Variants in CDH12 observed in about 807,000 individuals in gnomAD.
CDH12 encodes cadherin-12.
A neutral mutation model predicts 74.1 loss-of-function variants in CDH12; 41 were observed. That is an observed-to-expected ratio of 0.55 (90% CI 0.43 to 0.72). The LOEUF is 0.72. Ranked by LOEUF, CDH12 falls within the 30% of genes least tolerant of loss-of-function variation. The pLI, the probability that CDH12 is intolerant of heterozygous loss-of-function variation, is 0.00. For synonymous variants in CDH12, 399 were observed against 355.0 expected, an observed-to-expected ratio of 1.12 and a Z score of -1.39; for missense variants, 945 against 977.2, an observed-to-expected ratio of 0.97 and a Z score of 0.44.
rs542486141 is a variant in CDH12 at position 21,874,459 on chromosome 5, G to A, written c.527-19669C>T. On this transcript the variant is annotated intron_variant, in intron 6 of 14. Transcript: ENST00000382254. ...TAGTAAAGAGAGCTCACTAAAATGC[G>A]AATTAGGCAAAAACAGGAGGTAAAG... is the stretch of plus-strand genomic sequence containing the variant. Among the ~76,000 whole-genome samples, 8 of 152,176 alleles carry A rather than the reference G, an allele frequency of 5.3e-5. No individual in the cohort carries two copies. The East Asian group carries it at 9.7e-4, about 18-fold the overall frequency.
chr5:22,525,996 A>G (rs1737256865), intron 1 of CDH12, among the ~76,000 whole-genome samples: 1 of 152,176 alleles, frequency 6.6e-6, no homozygotes, highest in African/African-American at 2.4e-5. Flanking sequence ...ATTCCAGTCT[A>G]AGTTTCAGGG....
At chr5:22,361,481 T>G (rs1027381801) in intron 3 of CDH12, among the ~76,000 whole-genome samples, 3 of 152,104 alleles carry the variant, frequency 2.0e-5, no homozygotes, top group African/African-American at 7.2e-5. Flanking sequence ...GAAGAATCAA[T>G]GTCGTGAAAA....
chr5:22,153,942 ATATATGTG>A (rs1216885048), intron 4 of CDH12, among the ~76,000 whole-genome samples: 7 of 146,718 alleles, frequency 4.8e-5, no homozygotes, highest in East Asian at 2.0e-4. Flanking sequence ...ATATATATGT[ATATATGTG>A]TATATGTGTA....
intron 11 of CDH12, among the ~76,000 whole-genome samples, chr5:21,781,715 C>T (rs898745968): frequency 1.7e-5 from 2 of 119,952 alleles, no homozygotes; most frequent in African/African-American, 5.5e-5. Context: ...CAGAGTGAGA[C>T]TATTATCTCA....
rs915470757 is a variant in CDH12, at chr5:22,318,853, G to A, written c.-333+86404C>T. ...TGTGATCATCAGGCTTGTGTAACCC[G>A]ATCATTAAAATATGCCTGTCTGGTA... On this transcript the variant is annotated intron_variant, in intron 3 of 14. Transcript: ENST00000382254. Among the ~76,000 whole-genome samples the A allele has an allele frequency of 9.2e-5, 14 of 152,076 alleles. 1 individual carries two copies. The highest frequency in any genetic ancestry group is 2.2e-4 in the African/African-American group (9 of 41,494).
chr5:22,674,066 C>A (rs895327025), intron 1 of CDH12, among the ~76,000 whole-genome samples: 1 of 152,154 alleles, frequency 6.6e-6, no homozygotes, highest in African/African-American at 2.4e-5. Flanking sequence ...AGATCCAGAA[C>A]TGTTATAAGG....
chr5:22,093,808 T>C (rs1743577986), intron 4 of CDH12, among the ~76,000 whole-genome samples: 1 of 152,188 alleles, frequency 6.6e-6, no homozygotes, highest in African/African-American at 2.4e-5. Flanking sequence ...AAAAAATGAC[T>C]TCATGATAGA....
chr5:21,796,531 A>C (rs1391297694), intron 10 of CDH12, among the ~76,000 whole-genome samples: 3 of 152,040 alleles, frequency 2.0e-5, no homozygotes, highest in Non-Finnish European at 4.4e-5. Flanking sequence ...ACTATTAACC[A>C]CTGTAATTTT....
chr5:22,195,416 A>G (rs1580386087), intron 4 of CDH12, among the ~76,000 whole-genome samples: 1 of 152,310 alleles, frequency 6.6e-6, no homozygotes, highest in South Asian at 2.1e-4. Context: ...TAAGTGGTAG[A>G]CTCAGATTGA....
At chr5:22,720,851 A>G (rs184394009) in intron 1 of CDH12, among the ~76,000 whole-genome samples, 1 of 152,306 alleles carries the variant, frequency 6.6e-6, no homozygotes, top group East Asian at 1.9e-4. Context: ...CCCTTGCTGT[A>G]GACATCTGCG....
intron 6 of CDH12, among the ~76,000 whole-genome samples, chr5:21,895,723 T>A (rs7447022): frequency 0.76 from 115,811 of 152,060 alleles, 45,655 homozygotes; most frequent in Non-Finnish European, 0.86. Context: ...ATTCTACCAT[T>A]CTGGAGAGAA....
chr5:21,879,709 G>C (rs1752139900), intron 6 of CDH12, among the ~76,000 whole-genome samples: 1 of 152,050 alleles, frequency 6.6e-6, no homozygotes, highest in Non-Finnish European at 1.5e-5. Context: ...ATATAGTGCA[G>C]ATTAAAAAAT....
chr5:22,124,494 T>G (rs1297939082), intron 4 of CDH12, among the ~76,000 whole-genome samples: 1 of 152,194 alleles, frequency 6.6e-6, no homozygotes, highest in East Asian at 1.9e-4. Flanking sequence ...ATCCTACTGT[T>G]TGTTGTTGTT....
chr5:22,084,439 A>G (rs1742935968), intron 4 of CDH12, among the ~76,000 whole-genome samples: 1 of 152,228 alleles, frequency 6.6e-6, no homozygotes, highest in African/African-American at 2.4e-5. Flanking sequence ...AATTCACAGC[A>G]TAGTTTTATG....
chr5:22,046,968 C>T lies in CDH12; in HGVS notation c.231+31478G>A, dbSNP rs562906922. ...AAGAAATTATGTTTGAGGATGTCTT[C>T]AGGGCTAGCTGCCCACTGTAGTCTC... On this transcript the variant is annotated intron_variant, in intron 5 of 14. Coordinates refer to ENST00000382254, the MANE Select transcript of CDH12 (RefSeq NM_004061.5). Among the ~76,000 whole-genome samples, 233 of 152,286 alleles carry T rather than the reference C, an allele frequency of 1.5e-3. 1 individual carries two copies. Among genetic ancestry groups the T allele is most frequent in the Non-Finnish European group, 2.6e-3 (176 of 68,028 alleles).
chr5:22,745,818 G>C (rs1443963562), intron 1 of CDH12, among the ~76,000 whole-genome samples: 1 of 152,032 alleles, frequency 6.6e-6, no homozygotes, highest in African/African-American at 2.4e-5. Context: ...TGGGTACGAG[G>C]CTTAATACCT....
chr5:21,787,090 A>G (rs936960347), intron 10 of CDH12, among the ~76,000 whole-genome samples: 2 of 152,198 alleles, frequency 1.3e-5, no homozygotes, highest in South Asian at 4.1e-4. Flanking sequence ...TGTTGAAATC[A>G]TAACAAAATA....
intron 3 of CDH12, chr5:22,213,468 T>C (rs1751662600): frequency 6.6e-6 from 1 of 152,238 alleles, no homozygotes; most frequent in Admixed American, 6.5e-5. Context: ...GTTGAAATAC[T>C]GATTTCCTAA....
intron 3 of CDH12, among the ~76,000 whole-genome samples, chr5:22,242,591 C>A (rs945086688): frequency 1.3e-5 from 2 of 152,156 alleles, no homozygotes; most frequent in Admixed American, 6.5e-5. Flanking sequence ...TTTTTGACTC[C>A]TTTCCCAGCT....
Sources: gnomAD v4.1 joint callset for allele counts (sites outside exome capture counted in the v4.1 genomes callset) on GRCh38, gnomAD v4.1.1 for gene constraint, MANE v1.5 for transcripts, NCBI Gene and HGNC (gene_info 2026-07-23, HGNC 2026-07-21) for gene names.